Variants in INSR observed in about 807,000 individuals in gnomAD.
INSR encodes the protein insulin receptor.
INSR carries 67 observed loss-of-function variants against 142.6 expected under a neutral mutation model. The ratio of observed to expected loss-of-function variants is 0.47; its 90% CI spans 0.39 to 0.58. The LOEUF is 0.58. Ranked by LOEUF, INSR falls within the 20% of genes least tolerant of loss-of-function variation. INSR has a pLI of 0.00. For missense variants in INSR, 1,248 were observed against 1,833.2 expected, an observed-to-expected ratio of 0.68 and a Z score of 5.83; for synonymous variants, 756 against 743.1, an observed-to-expected ratio of 1.02 and a Z score of -0.28.
chr19:7,136,558 G>C (rs1027269373), intron 13 of INSR, among the ~76,000 whole-genome samples: 1 of 151,736 alleles, frequency 6.6e-6, no homozygotes, highest in Non-Finnish European at 1.5e-5. Context: ...CTGTTCCTGG[G>C]ACCCAAGGGT....
chr19:7,269,189 A>C (rs1967835151), intron 1 of INSR, among the ~76,000 whole-genome samples: 1 of 149,440 alleles, frequency 6.7e-6, no homozygotes, highest in African/African-American at 2.5e-5. Flanking sequence ...AGATTGTTCT[A>C]AAGAAGAATA....
chr19:7,268,985 T>C (rs1363844310), intron 1 of INSR, among the ~76,000 whole-genome samples: 1 of 150,900 alleles, frequency 6.6e-6, no homozygotes, highest in Non-Finnish European at 1.5e-5. Context: ...GAGTTAACGT[T>C]TTTCAAAATT....
At chr19:7,228,010 C>A (rs1252310040) in intron 2 of INSR, among the ~76,000 whole-genome samples, 1 of 152,064 alleles carries the variant, frequency 6.6e-6, no homozygotes, top group Non-Finnish European at 1.5e-5. Flanking sequence ...ATCAGACTGT[C>A]CCAAATCTAG....
rs376772096 is a variant in INSR at position 7,150,465 on chromosome 19, C to G, written c.2267+32G>C. 4.6e-5 allele frequency: 74 copies of G among 1,611,176 alleles called. No individual in the cohort carries two copies. The African/African-American group carries it at 9.2e-4, about 20-fold the overall frequency. On this transcript the variant is annotated intron_variant, in intron 11 of 21. Coordinates refer to ENST00000302850, the MANE Select transcript of INSR (RefSeq NM_000208.4). The surrounding 1 kb of genome is among the most constrained non-coding windows in gnomAD (Gnocchi z 4.2). Reference sequence around the variant, plus strand: ...GGCACGCCGCCGGCCCTGCGCGGAGCAGGCACCAGGGGTCGCACAGGTGAG... The same window carrying G: ...GGCACGCCGCCGGCCCTGCGCGGAGGAGGCACCAGGGGTCGCACAGGTGAG...
At chr19:7,292,085 G>A (rs1374440330) in intron 1 of INSR, among the ~76,000 whole-genome samples, 5 of 150,724 alleles carry the variant, frequency 3.3e-5, no homozygotes, top group African/African-American at 4.9e-5. Flanking sequence ...GAGCCACCAC[G>A]CCCCGCCTTT....
chr19:7,190,364 T>C (rs1974545385), intron 2 of INSR, among the ~76,000 whole-genome samples: 1 of 142,318 alleles, frequency 7.0e-6, no homozygotes, highest in South Asian at 2.2e-4. Context: ...CTGTGTTCTT[T>C]GGTGGTTTTT....
chr19:7,158,044 G>C (rs1344305339), intron 9 of INSR, among the ~76,000 whole-genome samples: 1 of 105,844 alleles, frequency 9.4e-6, no homozygotes, highest in Non-Finnish European at 1.9e-5. Context: ...GGAAGCTCCT[G>C]GTATTATTAT....
At chr19:7,213,359 A>C (rs1218534487) in intron 2 of INSR, among the ~76,000 whole-genome samples, 1 of 121,414 alleles carries the variant, frequency 8.2e-6, no homozygotes, top group Non-Finnish European at 1.6e-5. Context: ...AAAAAAAAAA[A>C]CAAACAAAAA....
intron 17 of INSR, among the ~76,000 whole-genome samples, chr19:7,123,345 T>G (rs2144807118): frequency 6.6e-6 from 1 of 151,840 alleles, no homozygotes; most frequent in East Asian, 2.0e-4. Context: ...ATTTTTGTAT[T>G]TTTAGTAGAG....
intron 7 of INSR, among the ~76,000 whole-genome samples, chr19:7,167,374 T>G (rs1973911308): frequency 6.6e-6 from 1 of 151,970 alleles, no homozygotes; most frequent in Non-Finnish European, 1.5e-5. Context: ...GTCAGGAGTT[T>G]GAGACCAGCC....
intron 11 of INSR, among the ~76,000 whole-genome samples, chr19:7,145,446 G>T (rs910828957): frequency 6.6e-6 from 1 of 151,966 alleles, no homozygotes; most frequent in African/African-American, 2.4e-5. Context: ...TTATTTCTAT[G>T]TACCTACTTT....
At chr19:7,266,905 A>G (rs1187040288) in intron 2 of INSR, among the ~76,000 whole-genome samples, 1 of 152,066 alleles carries the variant, frequency 6.6e-6, no homozygotes, top group Non-Finnish European at 1.5e-5. Context: ...ATAAGAACTA[A>G]ACTATTTTTT....
chr19:7,122,509 C>A, intron 19 of INSR, 105 bp downstream of exon 19: 1 of 1,250,854 alleles, frequency 8.0e-7, no homozygotes. Context: ...TATCTTGCCC[C>A]TTTATATTAT....
At chr19:7,182,884 C>A (rs1974310797) in intron 3 of INSR, among the ~76,000 whole-genome samples, 2 of 146,100 alleles carry the variant, frequency 1.4e-5, no homozygotes, top group Admixed American at 7.0e-5. Context: ...ATGGTCATTT[C>A]CTCAATCTTG....
At chr19:7,281,626 A>G (rs997420656) in intron 1 of INSR, among the ~76,000 whole-genome samples, 2 of 152,130 alleles carry the variant, frequency 1.3e-5, no homozygotes, top group Non-Finnish European at 2.9e-5. Flanking sequence ...GGCTGCAATG[A>G]GCCATAATCA....
At position 7,216,206 on chromosome 19, in the gene INSR, C is replaced by A. The variant is rs1975428083; in HGVS notation, c.653-31569G>T. Among the ~76,000 whole-genome samples the A allele has an allele frequency of 6.6e-6, 1 of 152,064 alleles. No individual in the cohort carries two copies. On this transcript the variant is annotated intron_variant, in intron 2 of 21. Transcript: ENST00000302850. This position sits in a 1 kb window ranked among gnomAD's most constrained non-coding sequence, Gnocchi z 4.2. ...AGGTGTGGTGGCGTGCACCTGTAATCCCAGCTACTTGGGAGGCTGAGTCAA... is the reference window on the plus strand; with the variant it reads ...AGGTGTGGTGGCGTGCACCTGTAATACCAGCTACTTGGGAGGCTGAGTCAA...
In INSR at chr19:7,125,560, A is replaced by G; in HGVS notation, c.3014-33T>C. 1 of 1,609,722 alleles carries G rather than the reference A, an allele frequency of 6.2e-7. No individual in the cohort carries two copies. ...TTACTTATCTACACAGCATCCTTGGAGGATCCCTTGGGGGTCTGCAGCCAC... is the reference window on the plus strand; with the variant it reads ...TTACTTATCTACACAGCATCCTTGGGGGATCCCTTGGGGGTCTGCAGCCAC... On this transcript the variant is annotated intron_variant, in intron 16 of 21. Transcript: ENST00000302850. This position sits in a 1 kb window ranked among gnomAD's most constrained non-coding sequence, Gnocchi z 4.9.
rs771392554 is a variant in INSR, at chr19:7,152,707, C to CAT, written c.2231+18_2231+19insAT. 1 of 1,605,836 alleles carries CAT rather than the reference C, an allele frequency of 6.2e-7. No individual in the cohort carries two copies. Among genetic ancestry groups the CAT allele is most frequent in the East Asian group, 2.2e-5 (1 of 44,838 alleles). On this transcript the variant is annotated intron_variant, in intron 10 of 21. Transcript: ENST00000302850. ...AGCCAATTGGCACCCACTAAGAGAG[C>CAT]CCAGCGCCAAGTCCTGACCTGGGGA...
At chr19:7,261,276 T>C (rs1977055187) in intron 2 of INSR, among the ~76,000 whole-genome samples, 1 of 152,164 alleles carries the variant, frequency 6.6e-6, no homozygotes, top group Admixed American at 6.5e-5. Flanking sequence ...GCCACTAGAC[T>C]GGCCGCTCTG....
Sources: allele counts gnomAD v4.1 joint callset (sites outside exome capture counted in the v4.1 genomes callset), GRCh38; gene constraint gnomAD v4.1.1; non-coding constraint Gnocchi (gnomAD v3.1); transcripts MANE v1.5; gene names NCBI Gene and HGNC (gene_info 2026-07-23, HGNC 2026-07-21).